The following PRDM16 variants were observed in gnomAD, a reference collection of about 807,000 sequenced individuals.
PRDM16 encodes PR/SET domain 16, also known as histone-lysine N-methyltransferase PRDM16.
In PRDM16, 23 loss-of-function variants were observed where a neutral mutation model predicts 110.6. The observed-to-expected ratio is 0.21, with a 90% confidence interval of 0.15 to 0.29. The LOEUF is 0.29. Ranked by LOEUF, PRDM16 falls within the 10% of genes least tolerant of loss-of-function variation. PRDM16 has a pLI of 1.00. For synonymous variants in PRDM16, 799 were observed against 781.8 expected (o/e 1.02, Z -0.37); for missense variants, 1,615 against 1,794.3 (o/e 0.90, Z 1.81).
At position 3,130,738 on chromosome 1, in the gene PRDM16, G is replaced by A. The variant is rs148929424; in HGVS notation, c.38-55387G>A. ...CACCTCCATTCCCTCAAATACTGTC[G>A]CCCTTTTCCCCCGTGAGCTGCATGG... On this transcript the variant is annotated intron_variant, in intron 1 of 16. Coordinates refer to ENST00000270722, the MANE Select transcript of PRDM16 (RefSeq NM_022114.4). Among the ~76,000 whole-genome samples, 204 of 149,480 alleles carry A rather than the reference G, an allele frequency of 1.4e-3. 4 individuals carry two copies. In the East Asian group the frequency reaches 0.034, roughly 25 times the overall value.
chr1:3,411,012 G>A (rs1175315717), intron 8 of PRDM16, among the ~76,000 whole-genome samples: 1 of 152,146 alleles, frequency 6.6e-6, no homozygotes, highest in Non-Finnish European at 1.5e-5. Context: ...CCCGATCTGT[G>A]CTGGTCACTG....
At chr1:3,399,670 A>C (rs1274954372) in intron 5 of PRDM16, among the ~76,000 whole-genome samples, 2 of 152,242 alleles carry the variant, frequency 1.3e-5, no homozygotes, top group Non-Finnish European at 2.9e-5. Flanking sequence ...ATCAGACTGC[A>C]TTCTCATTTG....
chr1:3,175,258 G>A lies in PRDM16; in HGVS notation c.38-10867G>A, dbSNP rs765549349. On this transcript the variant is annotated intron_variant, in intron 1 of 16. Transcript: ENST00000270722. The surrounding 1 kb of genome is among the most constrained non-coding windows in gnomAD (Gnocchi z 4.8). Reference sequence around the variant, plus strand: ...AAGGGGCCTTCAGGATGACCCTGCCGCTCCAGGAGCCCTCCCACTGAAGAA... The same window carrying A: ...AAGGGGCCTTCAGGATGACCCTGCCACTCCAGGAGCCCTCCCACTGAAGAA... Among the ~76,000 whole-genome samples, 5 of 152,180 alleles carry A rather than the reference G, an allele frequency of 3.3e-5. No homozygotes were observed. Among genetic ancestry groups the A allele is most frequent in the Admixed American group, 1.3e-4 (2 of 15,284 alleles).
chr1:3,363,187 T>C (rs561694168), intron 3 of PRDM16, among the ~76,000 whole-genome samples: 2 of 151,952 alleles, frequency 1.3e-5, no homozygotes, highest in South Asian at 4.2e-4. Context: ...AAGGCTGCTG[T>C]CCGCTCCTGA....
intron 1 of PRDM16, among the ~76,000 whole-genome samples, chr1:3,123,095 A>G (rs1383924059): frequency 6.6e-6 from 1 of 152,222 alleles, no homozygotes; most frequent in Non-Finnish European, 1.5e-5. Flanking sequence ...CGAGGGCTGG[A>G]TGCGTGGTTG....
chr1:3,388,150 G>A (rs1014045726), intron 4 of PRDM16, among the ~76,000 whole-genome samples: 4 of 152,238 alleles, frequency 2.6e-5, no homozygotes, highest in African/African-American at 9.6e-5. Context: ...AACATCACAT[G>A]ATACTAATGC....
intron 8 of PRDM16, among the ~76,000 whole-genome samples, chr1:3,410,127 A>G (rs1467620414): frequency 2.0e-5 from 3 of 146,602 alleles, no homozygotes; most frequent in Admixed American, 6.8e-5. Context: ...GTGTGTGTGC[A>G]TGTGTATGAA....
chr1:3,401,827 C>T (rs541241197), intron 5 of PRDM16, among the ~76,000 whole-genome samples: 4 of 152,276 alleles, frequency 2.6e-5, no homozygotes, highest in African/African-American at 9.6e-5. Flanking sequence ...CATGCCTCAA[C>T]ACAAAGGCAT....
At position 3,290,280 on chromosome 1, in the gene PRDM16, C is replaced by G. The variant is rs1640943532; in HGVS notation, c.438+46143C>G. ...GAGCGACGGGGTGGGAGGGATCTGC[C>G]TGCCAGCCCACAGGGCTCAGGGGTC... On this transcript the variant is annotated intron_variant, in intron 3 of 16. Coordinates refer to ENST00000270722, the MANE Select transcript of PRDM16 (RefSeq NM_022114.4). This position sits in a 1 kb window ranked among gnomAD's most constrained non-coding sequence, Gnocchi z 4.8. Among the ~76,000 whole-genome samples, 1 of 152,148 alleles carries G rather than the reference C, an allele frequency of 6.6e-6. No homozygotes were observed. The highest frequency in any genetic ancestry group is 1.5e-5 in the Non-Finnish European group (1 of 68,022).
chr1:3,212,883 T>A (rs1388754022), intron 2 of PRDM16, among the ~76,000 whole-genome samples: 4 of 152,154 alleles, frequency 2.6e-5, no homozygotes, highest in Admixed American at 2.6e-4. Context: ...GGGGCCCTCT[T>A]CCCTGCTCCT....
In PRDM16 at chr1:3,157,351, T is replaced by C. The variant is rs570796288; in HGVS notation, c.38-28774T>C. ...TGTTGTGTTTACCGCATTTATTCTA[T>C]TGATTGACTGAATTTACAGCATTTG... On this transcript the variant is annotated intron_variant, in intron 1 of 16. Coordinates refer to ENST00000270722, the MANE Select transcript of PRDM16 (RefSeq NM_022114.4). The surrounding 1 kb of genome is among the most constrained non-coding windows in gnomAD (Gnocchi z 4.8). Among the ~76,000 whole-genome samples the C allele has an allele frequency of 1.3e-4, 20 of 151,666 alleles. No homozygotes were observed. The highest frequency in any genetic ancestry group is 4.4e-4 in the African/African-American group (18 of 41,232).
intron 3 of PRDM16, among the ~76,000 whole-genome samples, chr1:3,383,238 C>T (rs1427589007): frequency 1.3e-5 from 2 of 152,224 alleles, no homozygotes; most frequent in Admixed American, 6.5e-5. Context: ...TGGATGGAGC[C>T]AGAAGGGGCC....
At chr1:3,111,733 A>C (rs1642799878) in intron 1 of PRDM16, among the ~76,000 whole-genome samples, 1 of 152,046 alleles carries the variant, frequency 6.6e-6, no homozygotes. Flanking sequence ...CCCCGCTGTC[A>C]GAGGCCTAAT....
intron 1 of PRDM16, among the ~76,000 whole-genome samples, chr1:3,171,566 T>A (rs981695718): frequency 7.9e-5 from 12 of 152,138 alleles, no homozygotes; most frequent in Admixed American, 7.9e-4. Context: ...ACTTACAGCC[T>A]CCGAGTTTGC....
chr1:3,218,265 G>A (rs372800102), intron 2 of PRDM16, among the ~76,000 whole-genome samples: 1 of 152,306 alleles, frequency 6.6e-6, no homozygotes, highest in East Asian at 1.9e-4. Context: ...TTTCATTCCG[G>A]CTTCATATTC....
At chr1:3,413,111 C>G (rs955831451) in intron 9 of PRDM16, among the ~76,000 whole-genome samples, 2 of 152,012 alleles carry the variant, frequency 1.3e-5, no homozygotes, top group African/African-American at 4.8e-5. Flanking sequence ...CGAGCGCCTC[C>G]TATCCCCAGT....
At position 3,402,862 on chromosome 1, in the gene PRDM16, A is replaced by G. The variant is rs746051051; in HGVS notation, c.748A>G (p.Lys250Glu). The change falls in exon 6 of 17, where the codon AAG becomes GAG. Residue 250 changes from lysine to glutamate, a missense_variant. Around this residue, in one of 5 missense-constraint regions of PRDM16, gnomAD observed 416 missense variants for 467.1 expected, o/e 0.89. Transcript: ENST00000270722. ...CAAGCTGGACCTGCGGCGCCATAAGAAGTACACGTGTGGCTCAGTGGGGGC... is the reference window on the plus strand; with the variant it reads ...CAAGCTGGACCTGCGGCGCCATAAGGAGTACACGTGTGGCTCAGTGGGGGC... Reference protein sequence around the residue: ...QSKLDLRRHKKYTCGSVGAAL... With the variant: ...QSKLDLRRHKEYTCGSVGAAL... The G allele has an allele frequency of 1.2e-6, 2 of 1,613,096 alleles. No homozygotes were observed. The highest frequency in any genetic ancestry group is 2.2e-5 in the South Asian group (2 of 91,084).
At chr1:3,303,327 C>T (rs1022571153) in intron 3 of PRDM16, among the ~76,000 whole-genome samples, 1 of 152,138 alleles carries the variant, frequency 6.6e-6, no homozygotes, top group Non-Finnish European at 1.5e-5. Flanking sequence ...TACAATGTGC[C>T]ATCCTCAGGA....
chr1:3,405,681 C>T, intron 8 of PRDM16, 33 bp downstream of exon 8: 1 of 1,529,048 alleles, frequency 6.5e-7, no homozygotes. Context: ...CGCCTGCCCT[C>T]CGGGTGCGCG....
Sources: allele counts gnomAD v4.1 joint callset (sites outside exome capture counted in the v4.1 genomes callset), GRCh38; gene constraint gnomAD v4.1.1; regional missense constraint gnomAD v4.1.1; non-coding constraint Gnocchi (gnomAD v3.1); transcripts MANE v1.5; gene names NCBI Gene and HGNC (gene_info 2026-07-23, HGNC 2026-07-21).